The following PRKCB variants were observed in gnomAD, a reference collection of about 807,000 sequenced individuals.
PRKCB encodes the protein protein kinase C beta, also known as protein kinase C beta type.
PRKCB carries 13 observed loss-of-function variants against 81.5 expected under a neutral mutation model. The observed-to-expected ratio is 0.16, with a 90% CI of 0.10 to 0.25. The LOEUF (loss-of-function observed/expected upper bound fraction) is 0.25, where lower values mean the gene tolerates loss of function less well. Ranked by LOEUF, PRKCB falls within the 10% of genes least tolerant of loss-of-function variation. The pLI, the probability that PRKCB is intolerant of heterozygous loss-of-function variation, is 1.00. For synonymous variants in PRKCB, 335 were observed against 321.4 expected (o/e 1.04, Z -0.45); for missense variants, 509 against 875.7 (o/e 0.58, Z 5.29).
At position 24,180,947 on chromosome 16, in the gene PRKCB, AC is replaced by A; in HGVS notation, c.1533+20del. The A allele has an allele frequency of 6.2e-7, 1 of 1,612,816 alleles. No homozygotes were observed. Among genetic ancestry groups the A allele is most frequent in the Middle Eastern group, 1.7e-4 (1 of 6,026 alleles). ...CCCCGAGGTGAGAGCTGCTGGGCACACGTTCACATTGCGGTGATGTACCCTC... is the reference window on the plus strand; with the variant it reads ...CCCCGAGGTGAGAGCTGCTGGGCACAGTTCACATTGCGGTGATGTACCCTC... On this transcript the variant is annotated intron_variant, in intron 13 of 16. Coordinates refer to ENST00000643927, the MANE Select transcript of PRKCB (RefSeq NM_002738.7).
intron 8 of PRKCB, among the ~76,000 whole-genome samples, chr16:24,119,030 G>A (rs972090181): frequency 6.6e-6 from 1 of 151,876 alleles, no homozygotes; most frequent in Non-Finnish European, 1.5e-5. Flanking sequence ...TGGGGATCTG[G>A]GTTTTCATAT....
chr16:23,945,328 G>A (rs1385568162), intron 2 of PRKCB, among the ~76,000 whole-genome samples: 2 of 152,196 alleles, frequency 1.3e-5, no homozygotes, highest in Non-Finnish European at 2.9e-5. Flanking sequence ...CCATGAATAG[G>A]GGATGATATG....
intron 2 of PRKCB, among the ~76,000 whole-genome samples, chr16:23,899,566 A>AGATAGGGCCTTGCTATG (rs1567306669): frequency 2.2e-4 from 19 of 87,570 alleles, no homozygotes; most frequent in South Asian, 5.8e-4. Flanking sequence ...AGCTTTGTAA[A>AGATAGGGCCTTGCTATG]TTACTTTTGT....
At chr16:23,870,854 G>A (rs767560711) in intron 2 of PRKCB, among the ~76,000 whole-genome samples, 1 of 152,260 alleles carries the variant, frequency 6.6e-6, no homozygotes. Context: ...TGTTGATCTC[G>A]GCTGGGCTTG....
chr16:24,198,593 C>T (rs1424439035), intron 16 of PRKCB, among the ~76,000 whole-genome samples: 6 of 152,206 alleles, frequency 3.9e-5, no homozygotes, highest in Non-Finnish European at 5.9e-5. Context: ...CCACCTCTGC[C>T]TCTGAAAGTG....
chr16:24,180,746 G>A (rs1208395568), intron 12 of PRKCB, 44 bp from the exon 13 acceptor site: 6 of 1,597,900 alleles, frequency 3.8e-6, no homozygotes, highest in Non-Finnish European at 5.1e-6. Flanking sequence ...GGCTTGAAAT[G>A]CATAGCGTTT....
chr16:23,901,380 T>C (rs1357738064), intron 2 of PRKCB, among the ~76,000 whole-genome samples: 1 of 152,010 alleles, frequency 6.6e-6, no homozygotes, highest in Admixed American at 6.6e-5. Flanking sequence ...GCCTGCTGCT[T>C]GATTGGGAGT....
chr16:24,075,972 A>G (rs1966171937), intron 5 of PRKCB, among the ~76,000 whole-genome samples: 1 of 152,142 alleles, frequency 6.6e-6, no homozygotes, highest in African/African-American at 2.4e-5. Context: ...TTTAAGTTCT[A>G]GGGTACGTGT....
chr16:23,975,306 A>G (rs1482143683), intron 2 of PRKCB, among the ~76,000 whole-genome samples: 1 of 152,076 alleles, frequency 6.6e-6, no homozygotes, highest in African/African-American at 2.4e-5. Flanking sequence ...GGTAGCCCAG[A>G]GATTATGCCA....
chr16:24,040,492 T>A (rs1354209252), intron 5 of PRKCB, among the ~76,000 whole-genome samples: 1 of 152,216 alleles, frequency 6.6e-6, no homozygotes, highest in Non-Finnish European at 1.5e-5. Flanking sequence ...GAGCTTGGCC[T>A]TGTGAAAGGG....
chr16:24,192,983 A>C (rs1596591896), intron 16 of PRKCB, among the ~76,000 whole-genome samples: 1 of 152,016 alleles, frequency 6.6e-6, no homozygotes, highest in East Asian at 2.0e-4. Flanking sequence ...TTTTAAAGAC[A>C]GGGTCTTCTT....
chr16:24,124,203 A>G (rs996564419), intron 9 of PRKCB, among the ~76,000 whole-genome samples: 1 of 152,216 alleles, frequency 6.6e-6, no homozygotes, highest in Non-Finnish European at 1.5e-5. Flanking sequence ...ACATATACTG[A>G]GACCTGGATG....
At chr16:23,865,264 T>TG (rs1491284469) in intron 2 of PRKCB, among the ~76,000 whole-genome samples, 48 of 46,468 alleles carry the variant, frequency 1.0e-3, no homozygotes, top group African/African-American at 3.7e-3. Flanking sequence ...TTCTGTTTTG[T>TG]TTGTGTGTGT....
intron 2 of PRKCB, among the ~76,000 whole-genome samples, chr16:23,844,828 C>T (rs1445181214): frequency 1.4e-5 from 2 of 148,026 alleles, no homozygotes; most frequent in African/African-American, 2.5e-5. Flanking sequence ...TTTAGACAAA[C>T]TCTCACTCTT....
intron 9 of PRKCB, among the ~76,000 whole-genome samples, chr16:24,139,313 A>C (rs1270554649): frequency 6.6e-6 from 1 of 152,240 alleles, no homozygotes; most frequent in Non-Finnish European, 1.5e-5. Flanking sequence ...ATCAACAATT[A>C]GACGACACAG....
At chr16:24,125,279 A>G (rs1045936318) in intron 9 of PRKCB, among the ~76,000 whole-genome samples, 2 of 152,084 alleles carry the variant, frequency 1.3e-5, no homozygotes, top group African/African-American at 2.4e-5. Context: ...AAGCAATTCT[A>G]TGTTACATCC....
At chr16:23,845,096 C>G (rs1033510364) in intron 2 of PRKCB, among the ~76,000 whole-genome samples, 1 of 152,202 alleles carries the variant, frequency 6.6e-6, no homozygotes, top group African/African-American at 2.4e-5. Context: ...GCCACCACAC[C>G]TGGCCTCACT....
At chr16:23,837,150 G>A (rs1291863928) in intron 1 of PRKCB, 1 of 625,170 alleles carries the variant, frequency 1.6e-6, no homozygotes, top group Non-Finnish European at 2.8e-6. Flanking sequence ...CCCGCCACCT[G>A]GTGGTCGCAG....
chr16:23,918,701 G>A (rs1376391579), intron 2 of PRKCB, among the ~76,000 whole-genome samples: 2 of 152,138 alleles, frequency 1.3e-5, no homozygotes, highest in African/African-American at 4.8e-5. Flanking sequence ...CAGGCCTTTT[G>A]TGTTACTTTT....
Sources: gnomAD v4.1 joint callset for allele counts (sites outside exome capture counted in the v4.1 genomes callset) on GRCh38, gnomAD v4.1.1 for gene constraint, MANE v1.5 for transcripts, NCBI Gene and HGNC (gene_info 2026-07-23, HGNC 2026-07-21) for gene names.